Variants in TRHDE observed in about 807,000 individuals in gnomAD.
TRHDE encodes the protein thyrotropin releasing hormone degrading enzyme, also known as thyrotropin-releasing hormone-degrading ectoenzyme.
Under a neutral mutation model 125.7 loss-of-function variants are expected in TRHDE, and 72 were observed. The ratio of observed to expected loss-of-function variants is 0.57; its 90% CI spans 0.47 to 0.70. The LOEUF (loss-of-function observed/expected upper bound fraction) is 0.70, where lower values mean the gene tolerates loss of function less well. Among genes scored for constraint, TRHDE ranks in the 30% least tolerant of loss-of-function variants. The probability of loss-of-function intolerance (pLI) is 0.00; values close to 1 mark genes in which losing one functional copy is unlikely to be tolerated. For synonymous variants in TRHDE, 509 were observed against 509.1 expected, an observed-to-expected ratio of 1.00 and a Z score of 0.00; for missense variants, 1,110 against 1,327.1, an observed-to-expected ratio of 0.84 and a Z score of 2.54.
chr12:72,102,741 G>A (rs541502323), intron 1 of TRHDE, among the ~76,000 whole-genome samples: 1 of 152,302 alleles, frequency 6.6e-6, no homozygotes, highest in Non-Finnish European at 1.5e-5. Context: ...CTGTGAAGAT[G>A]AACATGAGGC....
intron 12 of TRHDE, among the ~76,000 whole-genome samples, chr12:72,588,201 AAGTT>A (rs1225150973): frequency 1.3e-5 from 2 of 152,218 alleles, no homozygotes; most frequent in Non-Finnish European, 2.9e-5. Flanking sequence ...CTGTAATACA[AAGTT>A]AGTCAGTATT....
At chr12:72,093,765 C>T (rs749819316) in intron 1 of TRHDE, among the ~76,000 whole-genome samples, 1 of 152,116 alleles carries the variant, frequency 6.6e-6, no homozygotes, top group Non-Finnish European at 1.5e-5. Flanking sequence ...TCTTCTCTTG[C>T]GTCTTGTTGA....
intron 2 of TRHDE, among the ~76,000 whole-genome samples, chr12:72,245,429 C>A (rs1402211157): frequency 6.6e-6 from 1 of 151,998 alleles, no homozygotes; most frequent in Non-Finnish European, 1.5e-5. Flanking sequence ...AAAATCTCAA[C>A]CTTCAGAGGG....
At chr12:72,461,652 T>G (rs1010589445) in intron 3 of TRHDE, among the ~76,000 whole-genome samples, 18 of 151,958 alleles carry the variant, frequency 1.2e-4, no homozygotes, top group Non-Finnish European at 2.4e-4. Flanking sequence ...CCTTTAAAAT[T>G]AGTGTCCCTG....
intron 2 of TRHDE, among the ~76,000 whole-genome samples, chr12:72,239,071 A>G (rs7486883): frequency 0.37 from 56,157 of 151,982 alleles, 11,276 homozygotes; most frequent in Non-Finnish European, 0.46. Flanking sequence ...CTGACTTTTT[A>G]ATGATTGCTA....
chr12:72,638,453 T>A (rs1592589074), intron 15 of TRHDE, among the ~76,000 whole-genome samples: 1 of 151,750 alleles, frequency 6.6e-6, no homozygotes, highest in African/African-American at 2.4e-5. Flanking sequence ...CTTGACTCTT[T>A]ATCCAATTTG....
intron 3 of TRHDE, among the ~76,000 whole-genome samples, chr12:72,439,415 C>G (rs1042768274): frequency 2.0e-5 from 3 of 151,710 alleles, no homozygotes; most frequent in Non-Finnish European, 4.4e-5. Flanking sequence ...ACAATATTAA[C>G]TCTTCCAATC....
At chr12:72,104,450 T>C (rs1566217026) in intron 1 of TRHDE, among the ~76,000 whole-genome samples, 1 of 152,164 alleles carries the variant, frequency 6.6e-6, no homozygotes, top group East Asian at 1.9e-4. Context: ...TAAATTAAAG[T>C]TAGAAATTGC....
intron 1 of TRHDE, among the ~76,000 whole-genome samples, chr12:72,099,100 G>A (rs372207100): frequency 6.6e-6 from 1 of 152,134 alleles, no homozygotes; most frequent in Non-Finnish European, 1.5e-5. Context: ...GGGAGGTGGA[G>A]GTTGCAGTGA....
chr12:72,373,064 A>C (rs997255256), intron 2 of TRHDE, among the ~76,000 whole-genome samples: 10 of 152,110 alleles, frequency 6.6e-5, no homozygotes, highest in Middle Eastern at 3.4e-3. Context: ...CTTTTATTTC[A>C]TTGAGCAGTG....
intron 3 of TRHDE, among the ~76,000 whole-genome samples, chr12:72,436,358 G>A (rs911638492): frequency 6.6e-6 from 1 of 151,790 alleles, no homozygotes; most frequent in Non-Finnish European, 1.5e-5. Flanking sequence ...ATACCAGCTT[G>A]TTTAATTTAA....
chr12:72,110,693 A>G (rs749156192), intron 2 of TRHDE, among the ~76,000 whole-genome samples: 18 of 152,160 alleles, frequency 1.2e-4, no homozygotes, highest in Admixed American at 3.9e-4. Context: ...AGGTGATGCC[A>G]TGATTGCTGT....
chr12:72,191,083 A>T (rs1373866187), intron 2 of TRHDE, among the ~76,000 whole-genome samples: 1 of 152,198 alleles, frequency 6.6e-6, no homozygotes, highest in Non-Finnish European at 1.5e-5. Context: ...CAGAATAAAT[A>T]ACTTATTTTG....
rs199912564 is a variant in TRHDE, at chr12:72,380,698, G to GCTTCCTTC, written c.1315+2605_1315+2612dup. Among the ~76,000 whole-genome samples the GCTTCCTTC allele has an allele frequency of 8.1e-3, 1,073 of 132,008 alleles. 37 individuals are homozygous for GCTTCCTTC. Among genetic ancestry groups the GCTTCCTTC allele is most frequent in the African/African-American group, 0.021 (610 of 29,338 alleles). The allele number at this position is 132,008 out of a possible 152,430, so 86.6% of individuals were successfully genotyped here. On this transcript the variant is annotated intron_variant, in intron 3 of 18. Transcript: ENST00000261180. ...GATCATGGACCGCCAGCAGGCTGCA[G>GCTTCCTTC]CTTCCTTCCTTCCTTCCTTCCTTCC...
intron 3 of TRHDE, among the ~76,000 whole-genome samples, chr12:72,439,212 A>G (rs1017061020): frequency 6.6e-6 from 1 of 151,906 alleles, no homozygotes; most frequent in Admixed American, 6.6e-5. Context: ...GCTTTATAGT[A>G]TATTTTGAAG....
chr12:72,580,650 A>T (rs759263115), intron 12 of TRHDE, among the ~76,000 whole-genome samples: 1 of 152,224 alleles, frequency 6.6e-6, no homozygotes, highest in Non-Finnish European at 1.5e-5. Context: ...CACGTTGGTC[A>T]GGCTAGTCTT....
rs371750774 is a variant in TRHDE at position 72,149,622 on chromosome 12, TTAA to T, written n.279+43876_279+43878del. ...TCCCTTCAGAATAAAAATAGCTAAA[TTAA>T]TAATACATGTTTATTGTAAACAACT... On this transcript the variant is annotated intron_variant and non_coding_transcript_variant, in intron 2 of 4. Transcript: ENST00000548156. Among the ~76,000 whole-genome samples, 422 of 152,134 alleles carry T rather than the reference TTAA, an allele frequency of 2.8e-3. 3 individuals are homozygous for T. Among genetic ancestry groups the T allele is most frequent in the African/African-American group, 9.5e-3 (394 of 41,528 alleles).
chr12:72,109,139 G>T (rs1226743944), intron 2 of TRHDE, among the ~76,000 whole-genome samples: 1 of 152,056 alleles, frequency 6.6e-6, no homozygotes, highest in African/African-American at 2.4e-5. Flanking sequence ...TAGGCAATTT[G>T]TCAGGTGCTA....
chr12:72,301,405 T>G (rs1332088453), intron 2 of TRHDE, among the ~76,000 whole-genome samples: 1 of 152,120 alleles, frequency 6.6e-6, no homozygotes. Flanking sequence ...TACCTTACTT[T>G]CCCTAGGGAA....
Sources: gnomAD v4.1 joint callset for allele counts (sites outside exome capture counted in the v4.1 genomes callset) on GRCh38, gnomAD v4.1.1 for gene constraint, MANE v1.5 for transcripts, NCBI Gene and HGNC (gene_info 2026-07-23, HGNC 2026-07-21) for gene names.